Variants in GTF2H1 observed in about 807,000 individuals in gnomAD.
The protein encoded by GTF2H1 is BTF2 p62.
In GTF2H1, 16 loss-of-function variants were observed where a neutral mutation model predicts 71.2. The ratio of observed to expected loss-of-function variants is 0.22; its 90% CI spans 0.15 to 0.34. The LOEUF (loss-of-function observed/expected upper bound fraction) is 0.34, where lower values mean the gene tolerates loss of function less well. Ranked by LOEUF, GTF2H1 falls within the 10% of genes least tolerant of loss-of-function variation. The pLI is 1.00. For synonymous variants in GTF2H1, 215 were observed against 219.0 expected (o/e 0.98, Z 0.16); for missense variants, 498 against 648.2 (o/e 0.77, Z 2.52).
chr11:18,353,608 T>A (rs1865476248), intron 11 of GTF2H1, among the ~76,000 whole-genome samples: 1 of 152,248 alleles, frequency 6.6e-6, no homozygotes, highest in African/African-American at 2.4e-5. Context: ...TGGAAAGTAA[T>A]CCTTAACTAG....
intron 9 of GTF2H1, chr11:18,348,140 T>C: frequency 3.8e-6 from 2 of 529,610 alleles, no homozygotes; most frequent in South Asian, 5.4e-5. Context: ...TTTATTGTTT[T>C]TTGTTTGTTT....
intron 7 of GTF2H1, among the ~76,000 whole-genome samples, chr11:18,344,534 G>A (rs540389700): frequency 2.0e-5 from 3 of 150,046 alleles, no homozygotes; most frequent in African/African-American, 7.4e-5. Context: ...CAGGAGAGTC[G>A]CTGGAACCGG....
chr11:18,331,767 A>T (rs1184890968), intron 1 of GTF2H1, among the ~76,000 whole-genome samples: 1 of 151,484 alleles, frequency 6.6e-6, no homozygotes, highest in East Asian at 1.9e-4. Context: ...TCCCTGCCGT[A>T]CTCCCCTTCC....
intron 3 of GTF2H1, among the ~76,000 whole-genome samples, chr11:18,336,250 C>T (rs1165632504): frequency 6.6e-6 from 1 of 152,078 alleles, no homozygotes; most frequent in Non-Finnish European, 1.5e-5. Flanking sequence ...TCTCAGCCTC[C>T]CGAGTAGCTG....
chr11:18,363,997 C>G (rs1189922901), intron 14 of GTF2H1, among the ~76,000 whole-genome samples: 1 of 151,922 alleles, frequency 6.6e-6, no homozygotes, highest in Non-Finnish European at 1.5e-5. Context: ...TTGCTTGAAC[C>G]TGGGAGGCGG....
intron 3 of GTF2H1, among the ~76,000 whole-genome samples, chr11:18,336,284 G>A (rs1364116139): frequency 6.6e-6 from 1 of 151,876 alleles, no homozygotes; most frequent in Non-Finnish European, 1.5e-5. Context: ...GTGCCACCAT[G>A]CCCGGCTAAT....
Position 18,358,550 on chromosome 11 carries a change from T to G in GTF2H1, c.1377T>G (p.Ser459=). 1.2e-6 allele frequency: 2 copies of G among 1,606,538 alleles called. No individual in the cohort carries two copies. The highest frequency in any genetic ancestry group is 4.5e-5 in the East Asian group (2 of 44,802). ...AGATGGTGCCAAATGATATTCAATC[T>G]GAATTGAAACACTTATATGTAGCTG... ...INQMVPNDIQ[S]ELKHLYVAVG... is the part of the protein sequence containing the mutation. The change falls in exon 13 of 15, where the codon TCT becomes TCG. Residue 459 remains serine, a synonymous_variant. Transcript: ENST00000265963.
chr11:18,330,758 C>CT (rs1256520261), intron 1 of GTF2H1, among the ~76,000 whole-genome samples: 1 of 152,338 alleles, frequency 6.6e-6, no homozygotes, highest in African/African-American at 2.4e-5. Flanking sequence ...CACTTGCTCA[C>CT]TGCCCTGGAA....
intron 1 of GTF2H1, chr11:18,324,123 TC>T (rs1341090627): frequency 3.3e-5 from 5 of 152,358 alleles, no homozygotes; most frequent in African/African-American, 1.2e-4. Context: ...CGATCTCTGC[TC>T]ACTGCAACCT....
chr11:18,366,914 GTTC>G lies in GTF2H1; in HGVS notation c.*1048_*1050del, dbSNP rs1466736590. ...AAGTGCAAAAAAAAAAAAAAAAGAT[GTTC>G]TTGTTTCTGAACTTCGTGCCATATT... On this transcript the variant is annotated 3_prime_UTR_variant, in exon 15 of 15. Transcript: ENST00000265963. 1 of 145,964 alleles carries G rather than the reference GTTC, an allele frequency of 6.9e-6. No homozygotes were observed. Among genetic ancestry groups the G allele is most frequent in the Non-Finnish European group, 1.5e-5 (1 of 66,344 alleles). The allele number at this position is 145,964 out of a possible 1,614,324, so 9.0% of individuals were successfully genotyped here. A position where few individuals can be genotyped will look rare whatever the true frequency, so the allele number is the denominator to read the frequency against.
At chr11:18,339,404 T>C (rs1373629407) in intron 4 of GTF2H1, among the ~76,000 whole-genome samples, 160 bp from the exon 5 acceptor site, 1 of 152,226 alleles carries the variant, frequency 6.6e-6, no homozygotes, top group Non-Finnish European at 1.5e-5. Context: ...TCAGGCTTTT[T>C]TGAGTCCTGC....
intron 1 of GTF2H1, among the ~76,000 whole-genome samples, chr11:18,330,920 G>C (rs951508335): frequency 5.9e-5 from 9 of 152,140 alleles, no homozygotes; most frequent in African/African-American, 2.2e-4. Flanking sequence ...TATAAAAGGG[G>C]TATCTGACTA....
rs766222714 is a variant in GTF2H1 at position 18,365,865 on chromosome 11, C to G, written c.1643C>G (p.Thr548Arg). The G allele has an allele frequency of 6.2e-7, 1 of 1,609,358 alleles. No homozygotes were observed. Among genetic ancestry groups the G allele is most frequent in the Non-Finnish European group, 8.5e-7 (1 of 1,175,794 alleles). The change falls in exon 15 of 15, where the codon ACG (threonine) becomes AGG (arginine). Residue 548 changes from threonine (T) to arginine (R), a missense_variant. Transcript: ENST00000265963. ...TWQSRRLMKK[T>R] ...CAGTCACGGCGTCTGATGAAGAAAA[C>G]GTGAGGTGGCCATGATGCTTACAGG...
chr11:18,365,940 C>G lies in GTF2H1; in HGVS notation c.*71C>G, dbSNP rs1450783156. 11 of 1,018,656 alleles carry G rather than the reference C, an allele frequency of 1.1e-5. No homozygotes were observed. The highest frequency in any genetic ancestry group is 1.6e-5 in the African/African-American group (1 of 63,498). The allele number at this position is 1,018,656 out of a possible 1,614,324, so 63.1% of individuals were successfully genotyped here. A position where few individuals can be genotyped will look rare whatever the true frequency, so the allele number is the denominator to read the frequency against. ...ACCTGCAGCAACTCTGGAAACCTGG[C>G]CTGACAGACAAGCAGATGACCTCAC... is the stretch of plus-strand genomic sequence containing the variant. On this transcript the variant is annotated 3_prime_UTR_variant, in exon 15 of 15. Transcript: ENST00000265963.
chr11:18,323,292 T>G (rs1864597030), intron 1 of GTF2H1, among the ~76,000 whole-genome samples: 1 of 151,774 alleles, frequency 6.6e-6, no homozygotes, highest in Non-Finnish European at 1.5e-5. Context: ...AATAAGGAGG[T>G]GACTTTTCTT....
At chr11:18,350,611 T>C (rs994470281) in intron 9 of GTF2H1, among the ~76,000 whole-genome samples, 2 of 152,190 alleles carry the variant, frequency 1.3e-5, no homozygotes, top group African/African-American at 2.4e-5. Context: ...TTTGTTCCTG[T>C]ACCATAAAGG....
chr11:18,337,081 A>G (rs1055382263), intron 3 of GTF2H1, among the ~76,000 whole-genome samples: 4 of 152,136 alleles, frequency 2.6e-5, no homozygotes, highest in Non-Finnish European at 2.9e-5. Flanking sequence ...TCCATCACCA[A>G]TATCTTTCAG....
rs867578431 is a variant in GTF2H1 at position 18,358,155 on chromosome 11, A to G, written c.1351+113A>G. On this transcript the variant is annotated intron_variant, in intron 12 of 14. Transcript: ENST00000265963. ...TCCTTGGAATAATCCTGGGATTTCT[A>G]TTTTGTAGATTTGTTTTTATACATT... is the stretch of plus-strand genomic sequence containing the variant. The G allele has an allele frequency of 2.7e-5, 19 of 697,856 alleles. No individual in the cohort carries two copies. The Middle Eastern group carries it at 7.2e-4, about 27-fold the overall frequency. 43.2% of individuals were successfully genotyped at this position (697,856 alleles called of 1,614,324 possible).
At chr11:18,357,887 A>G in intron 11 of GTF2H1, 65 bp from the exon 12 acceptor site, 1 of 902,468 alleles carries the variant, frequency 1.1e-6, no homozygotes, top group Non-Finnish European at 1.8e-6. Flanking sequence ...AAATGTTAAG[A>G]AAGAGAGGTG....
Sources: allele counts gnomAD v4.1 joint callset (sites outside exome capture counted in the v4.1 genomes callset), GRCh38; gene constraint gnomAD v4.1.1; transcripts MANE v1.5; gene names NCBI Gene and HGNC (gene_info 2026-07-23, HGNC 2026-07-21).